Variants in TACR3 observed in about 807,000 individuals in gnomAD.
TACR3 encodes the protein tachykinin receptor 3, also known as neuromedin-K receptor.
A neutral mutation model predicts 35.0 loss-of-function variants in TACR3; 34 were observed. That is an observed-to-expected ratio of 0.97 (90% CI 0.74 to 1.30). The LOEUF is 1.30. Ranked by LOEUF, TACR3 falls within the 50% of genes most tolerant of loss-of-function variation. The pLI is 0.00. For synonymous variants in TACR3, 233 were observed against 221.1 expected (o/e 1.05, Z -0.48); for missense variants, 558 against 591.7 (o/e 0.94, Z 0.59).
Position 103,589,893 on chromosome 4 carries a change from C to T in TACR3, c.1187G>A (p.Arg396Gln), listed in dbSNP as rs201938668. 59 of 1,613,836 alleles carry T rather than the reference C, an allele frequency of 3.7e-5. No individual in the cohort carries two copies. The highest frequency in any genetic ancestry group is 5.5e-5 in the South Asian group (5 of 91,080). The change falls in exon 5 of 5, where the codon CGG becomes CAG. Residue 396 changes from arginine (R) to glutamine (Q), a missense_variant. Arg to Gln is a conservative substitution (Grantham distance 43). Coordinates refer to ENST00000304883, the MANE Select transcript of TACR3 (RefSeq NM_001059.3). ...ELKTTRFHPNRQSSMYTVTRM... is the reference protein window; with the variant it reads ...ELKTTRFHPNQQSSMYTVTRM... The stretch of plus-strand genomic sequence containing the variant: ...GGTCACGGTGTACATACTGCTTTGC[C>T]GGTTTGGATGAAACCTGGTGGTCTT...
At chr4:103,703,220 T>C (rs1722702732) in intron 1 of TACR3, among the ~76,000 whole-genome samples, 1 of 152,154 alleles carries the variant, frequency 6.6e-6, no homozygotes, top group Non-Finnish European at 1.5e-5. Context: ...TTTTAAAATT[T>C]ATTGTGGTAA....
intron 3 of TACR3, among the ~76,000 whole-genome samples, chr4:103,648,754 G>A (rs2110324371): frequency 6.6e-6 from 1 of 152,240 alleles, no homozygotes; most frequent in East Asian, 1.9e-4. Context: ...ACATGGGAAT[G>A]GATATGTCTC....
intron 3 of TACR3, among the ~76,000 whole-genome samples, chr4:103,599,862 T>G (rs924866611): frequency 6.6e-6 from 1 of 152,176 alleles, no homozygotes; most frequent in Non-Finnish European, 1.5e-5. Context: ...TTTGCCAGTA[T>G]TTTATTGAGG....
chr4:103,684,615 T>C (rs1722187323), intron 1 of TACR3, among the ~76,000 whole-genome samples: 1 of 152,192 alleles, frequency 6.6e-6, no homozygotes, highest in African/African-American at 2.4e-5. Context: ...AGTAAAGATG[T>C]TGATAATATC....
At chr4:103,617,610 G>A (rs1382126318) in intron 3 of TACR3, among the ~76,000 whole-genome samples, 1 of 152,208 alleles carries the variant, frequency 6.6e-6, no homozygotes, top group East Asian at 1.9e-4. Flanking sequence ...ATAAACATAA[G>A]AATTGGTGTA....
intron 1 of TACR3, among the ~76,000 whole-genome samples, chr4:103,678,731 GTC>G (rs770746230): frequency 1.3e-5 from 2 of 150,918 alleles, no homozygotes; most frequent in Non-Finnish European, 3.0e-5. Flanking sequence ...AATGATGTGA[GTC>G]TGCTGTTTTA....
At chr4:103,596,991 C>T (rs1000443121) in intron 3 of TACR3, among the ~76,000 whole-genome samples, 4 of 151,654 alleles carry the variant, frequency 2.6e-5, no homozygotes, top group African/African-American at 9.7e-5. Flanking sequence ...TTTCTTAATC[C>T]AGTCTATCAT....
At position 103,590,004 on chromosome 4, in the gene TACR3, A is replaced by C. The variant is rs756372047; in HGVS notation, c.1086-10T>G. ...GAAGCCAGCTCGAAATCTGAGGAAA[A>C]GCAGGCCACAGAAAGAAAAAGTTAT... On this transcript the variant is annotated splice_polypyrimidine_tract_variant and intron_variant, in intron 4 of 4. Coordinates refer to ENST00000304883, the MANE Select transcript of TACR3 (RefSeq NM_001059.3). 9.3e-6 allele frequency: 15 copies of C among 1,612,566 alleles called. No homozygotes were observed. The South Asian group carries it at 1.5e-4, about 17-fold the overall frequency.
intron 3 of TACR3, among the ~76,000 whole-genome samples, chr4:103,608,457 G>T (rs79840736): frequency 0.013 from 1,911 of 152,132 alleles, 45 homozygotes; most frequent in African/African-American, 0.044. Context: ...TGGGTCCTGT[G>T]CTCACTACCT....
chr4:103,681,435 G>A (rs1722083574), intron 1 of TACR3, among the ~76,000 whole-genome samples: 5 of 151,778 alleles, frequency 3.3e-5, no homozygotes. Context: ...TAGCTTAATG[G>A]ACCTTATATA....
At chr4:103,627,792 A>G (rs1397111986) in intron 3 of TACR3, among the ~76,000 whole-genome samples, 2 of 152,186 alleles carry the variant, frequency 1.3e-5, no homozygotes, top group African/African-American at 4.8e-5. Flanking sequence ...CACCAAGCGG[A>G]CCTAATAGAC....
In TACR3 at chr4:103,660,338, A is replaced by G. The variant is rs76113465; in HGVS notation, c.549-1935T>C. Among the ~76,000 whole-genome samples, 1,314 of 152,178 alleles carry G rather than the reference A, an allele frequency of 8.6e-3. 20 individuals carry two copies. The highest frequency in any genetic ancestry group is 0.03 in the African/African-American group (1,231 of 41,550). ...CTACATGATTCCAAATATATGTAGTATCTAAAAGAGTGAAACTTATGAAAG... is the reference window on the plus strand; with the variant it reads ...CTACATGATTCCAAATATATGTAGTGTCTAAAAGAGTGAAACTTATGAAAG... On this transcript the variant is annotated intron_variant, in intron 1 of 4. Coordinates refer to ENST00000304883, the MANE Select transcript of TACR3 (RefSeq NM_001059.3).
At chr4:103,647,908 CAA>C (rs1174688784) in intron 3 of TACR3, among the ~76,000 whole-genome samples, 2 of 151,860 alleles carry the variant, frequency 1.3e-5, no homozygotes, top group Non-Finnish European at 2.9e-5. Context: ...CATATTAATT[CAA>C]AGTTTAAATA....
At chr4:103,652,833 C>T (rs1358021608) in intron 3 of TACR3, among the ~76,000 whole-genome samples, 1 of 151,764 alleles carries the variant, frequency 6.6e-6, no homozygotes, top group South Asian at 2.1e-4. Context: ...AATAAATGGT[C>T]CATCCAGGGT....
At chr4:103,634,589 C>T (rs1440470310) in intron 3 of TACR3, among the ~76,000 whole-genome samples, 1 of 152,094 alleles carries the variant, frequency 6.6e-6, no homozygotes. Flanking sequence ...TCAGCATAAA[C>T]TGTAAAGTAC....
rs529954047 is a variant in TACR3, at chr4:103,657,650, T to C, written c.737+565A>G. Among the ~76,000 whole-genome samples, 7 of 152,246 alleles carry C rather than the reference T, an allele frequency of 4.6e-5. 1 individual carries two copies. The South Asian group carries it at 1.4e-3, about 32-fold the overall frequency. On this transcript the variant is annotated intron_variant, in intron 2 of 4. Transcript: ENST00000304883. ...AATAAATTACACAATTACATTATTA[T>C]TCCTTCTTGCTCTATTTAATGTGGG...
intron 3 of TACR3, among the ~76,000 whole-genome samples, chr4:103,647,652 A>G (rs1438128336): frequency 6.6e-6 from 1 of 151,270 alleles, no homozygotes; most frequent in Non-Finnish European, 1.5e-5. Context: ...TTAGTTGAAT[A>G]TACTTTCCTT....
At chr4:103,708,162 C>A (rs910898531) in intron 1 of TACR3, among the ~76,000 whole-genome samples, 1 of 152,130 alleles carries the variant, frequency 6.6e-6, no homozygotes, top group East Asian at 1.9e-4. Context: ...AGTGGTTCTC[C>A]CAGCAGGGAG....
chr4:103,636,452 A>T (rs1397850120), intron 3 of TACR3, among the ~76,000 whole-genome samples: 2 of 152,008 alleles, frequency 1.3e-5, no homozygotes, highest in African/African-American at 4.8e-5. Flanking sequence ...TCTTCTCAGA[A>T]ATGATGTTAT....
Sources: gnomAD v4.1 joint callset for allele counts (sites outside exome capture counted in the v4.1 genomes callset) on GRCh38, gnomAD v4.1.1 for gene constraint, MANE v1.5 for transcripts, NCBI Gene and HGNC (gene_info 2026-07-23, HGNC 2026-07-21) for gene names.